SLC13A4: variants seen among roughly 807,000 people sequenced by gnomAD.
SLC13A4 encodes the protein solute carrier family 13 member 4.
A neutral mutation model predicts 72.7 loss-of-function variants in SLC13A4; 28 were observed. The observed-to-expected ratio is 0.39, with a 90% CI of 0.29 to 0.53. The LOEUF (loss-of-function observed/expected upper bound fraction) is 0.53. SLC13A4 is among the 20% of genes least tolerant of loss of function. The pLI is 0.78. For missense variants in SLC13A4, 653 were observed against 788.0 expected (o/e 0.83, Z 2.05); for synonymous variants, 312 against 325.5 (o/e 0.96, Z 0.45).
At chr7:135,719,781 A>ATGTGTGTGTGTGTGTGTGTGTGTG (rs968225969) in intron 2 of SLC13A4, among the ~76,000 whole-genome samples, 21 of 146,014 alleles carry the variant, frequency 1.4e-4, no homozygotes, top group African/African-American at 5.1e-4. Context: ...TCAATGCCAC[A>ATGTGTGTGTGTGTGTGTGTGTGTG]TGTGTGTGTG....
chr7:135,683,324 A>T (rs1308429870), intron 15 of SLC13A4: 35 of 650,198 alleles, frequency 5.4e-5, no homozygotes, highest in South Asian at 1.4e-4. Context: ...AAAAAAAAAA[A>T]GGATAAAAAA....
In SLC13A4 at chr7:135,681,634, C is replaced by G. The variant is rs1795504249; in HGVS notation, c.1813G>C (p.Gly605Arg). ...GTGTCCAGGTGGAAGAGGCTAACTCCCCAGGTGTTGATGGCCACCATTACT... is the reference window on the plus strand; with the variant it reads ...GTGTCCAGGTGGAAGAGGCTAACTCGCCAGGTGTTGATGGCCACCATTACT... ...VIVMVAINTW[G>R]VSLFHLDTYP... The change falls in exon 16 of 16, where the codon GGA (glycine) becomes CGA (arginine). Residue 605 changes from glycine (G) to arginine (R), a missense_variant. By Grantham distance (125) the Gly-to-Arg change is moderately radical (BLOSUM62 -2). Transcript: ENST00000682651. 6.2e-7 allele frequency: 1 copy of G among 1,613,922 alleles called. No homozygotes were observed. The highest frequency in any genetic ancestry group is 8.5e-7 in the Non-Finnish European group (1 of 1,179,972).
At chr7:135,687,658 CTT>C (rs1486665587) in intron 13 of SLC13A4, among the ~76,000 whole-genome samples, 1 of 152,188 alleles carries the variant, frequency 6.6e-6, no homozygotes, top group East Asian at 1.9e-4. Context: ...TCCAGGAACT[CTT>C]TAATTGTTCC....
chr7:135,696,126 C>T (rs1795900038), intron 8 of SLC13A4, among the ~76,000 whole-genome samples: 1 of 152,118 alleles, frequency 6.6e-6, no homozygotes, highest in Non-Finnish European at 1.5e-5. Context: ...GTGGCTTTTG[C>T]CTAGACGAGG....
chr7:135,687,561 C>T (rs1356745886), intron 13 of SLC13A4, among the ~76,000 whole-genome samples: 1 of 152,136 alleles, frequency 6.6e-6, no homozygotes, highest in African/African-American at 2.4e-5. Context: ...ACTTTTCTTC[C>T]TTTTTTTCCT....
At chr7:135,720,891 T>A (rs1020067775) in intron 2 of SLC13A4, among the ~76,000 whole-genome samples, 1 of 151,558 alleles carries the variant, frequency 6.6e-6, no homozygotes, top group Non-Finnish European at 1.5e-5. Context: ...GAAAAAGAAA[T>A]GTTGTTTTTT....
chr7:135,715,742 G>T (rs1796420910), intron 2 of SLC13A4, among the ~76,000 whole-genome samples: 1 of 152,162 alleles, frequency 6.6e-6, no homozygotes, highest in Non-Finnish European at 1.5e-5. Flanking sequence ...ATTGACACAG[G>T]TATCATGCCC....
At chr7:135,718,420 A>C (rs1255268475) in intron 2 of SLC13A4, among the ~76,000 whole-genome samples, 2 of 152,074 alleles carry the variant, frequency 1.3e-5, no homozygotes, top group Non-Finnish European at 2.9e-5. Flanking sequence ...GAAACACTGC[A>C]ATCAAGAGCT....
chr7:135,695,609 G>C (rs1352560105), intron 8 of SLC13A4, 122 bp from the exon 9 acceptor site: 2 of 1,141,744 alleles, frequency 1.8e-6, no homozygotes, highest in Non-Finnish European at 1.2e-6. Flanking sequence ...TAATGATAAC[G>C]ATATGGTAAA....
At chr7:135,706,989 T>TC (rs1301574041) in intron 3 of SLC13A4, among the ~76,000 whole-genome samples, 1 of 152,236 alleles carries the variant, frequency 6.6e-6, no homozygotes, top group African/African-American at 2.4e-5. Context: ...TGTCCTAGTT[T>TC]CCATAAGATA....
At chr7:135,708,365 C>T (rs928870187) in intron 2 of SLC13A4, 115 bp from the exon 3 acceptor site, 38 of 1,400,196 alleles carry the variant, frequency 2.7e-5, no homozygotes, top group Non-Finnish European at 3.1e-5. Flanking sequence ...AAGAGGCTGG[C>T]GAAGGGGAGG....
intron 5 of SLC13A4, chr7:135,703,535 C>T (rs1250860356): frequency 6.5e-6 from 1 of 152,834 alleles, no homozygotes; most frequent in Non-Finnish European, 1.5e-5. Flanking sequence ...GACTTCTGAT[C>T]AGCAAGTACA....
At chr7:135,720,554 TAAA>T (rs33993859) in intron 2 of SLC13A4, among the ~76,000 whole-genome samples, 29,023 of 124,148 alleles carry the variant, frequency 0.23, 3,277 homozygotes, top group Admixed American at 0.35. Flanking sequence ...GCTTTTTCAT[TAAA>T]AAAAAAAAAA....
In SLC13A4 at chr7:135,703,414, T is replaced by C. The variant is rs570368340; in HGVS notation, c.594-530A>G. On this transcript the variant is annotated intron_variant, in intron 5 of 15. Transcript: ENST00000682651. Reference sequence around the variant, plus strand: ...CACTGACTGACTCTGGGAAGACCACTATCTAGAAAGGGGAACTTGTGATAT... The same window carrying C: ...CACTGACTGACTCTGGGAAGACCACCATCTAGAAAGGGGAACTTGTGATAT... 9.0e-5 allele frequency: 14 copies of C among 155,976 alleles called. No individual in the cohort carries two copies. In the South Asian group the frequency reaches 2.8e-3, roughly 31 times the overall value. 9.7% of individuals were successfully genotyped at this position (155,976 alleles called of 1,614,324 possible).
intron 2 of SLC13A4, among the ~76,000 whole-genome samples, chr7:135,715,199 G>A (rs982349277): frequency 2.6e-5 from 4 of 151,008 alleles, no homozygotes; most frequent in African/African-American, 9.8e-5. Flanking sequence ...GTGTGTATGA[G>A]TGTATGTGTG....
intron 2 of SLC13A4, among the ~76,000 whole-genome samples, chr7:135,720,921 TTGTCAGGGTTCAGGGAAA>T (rs1216412319): frequency 6.6e-6 from 1 of 152,150 alleles, no homozygotes; most frequent in Admixed American, 6.5e-5. Context: ...GATGAAAACA[TTGTCAGGGTTCAGGGAAA>T]TAGGGTAAGT....
chr7:135,706,414 G>T, intron 3 of SLC13A4, 114 bp from the exon 4 acceptor site: 1 of 1,130,514 alleles, frequency 8.8e-7, no homozygotes, highest in Non-Finnish European at 1.2e-6. Flanking sequence ...TGGCTGGAAA[G>T]GCAGGCATTT....
At position 135,721,375 on chromosome 7, in the gene SLC13A4, G is replaced by T; in HGVS notation, c.228+20C>A. 1 of 1,613,208 alleles carries T rather than the reference G, an allele frequency of 6.2e-7. No individual in the cohort carries two copies. The highest frequency in any genetic ancestry group is 8.5e-7 in the Non-Finnish European group (1 of 1,179,406). ...CCCTGCAGGGACCCAGGCAGGGGGT[G>T]GGGCTACAAGTAGTCTAACCTCATT... On this transcript the variant is annotated intron_variant, in intron 2 of 15. Transcript: ENST00000682651.
chr7:135,713,531 A>G (rs1330696816), intron 2 of SLC13A4, among the ~76,000 whole-genome samples: 3 of 152,156 alleles, frequency 2.0e-5, no homozygotes, highest in African/African-American at 4.8e-5. Flanking sequence ...GGCTTTACAC[A>G]TAAGATAATG....
Sources: gnomAD v4.1 joint callset for allele counts (sites outside exome capture counted in the v4.1 genomes callset) on GRCh38, gnomAD v4.1.1 for gene constraint, MANE v1.5 for transcripts, NCBI Gene and HGNC (gene_info 2026-07-23, HGNC 2026-07-21) for gene names.